The following COL11A1 variants were observed in gnomAD, a reference collection of about 807,000 sequenced individuals.
The protein encoded by COL11A1 is collagen type XI alpha 1 chain.
In COL11A1, 74 loss-of-function variants were observed where a neutral mutation model predicts 265.2. The ratio of observed to expected loss-of-function variants is 0.28; its 90% CI spans 0.23 to 0.34. COL11A1 has a LOEUF of 0.34. Among genes scored for constraint, COL11A1 ranks in the 10% least tolerant of loss-of-function variants. COL11A1 has a pLI of 1.00. For synonymous variants in COL11A1, 816 were observed against 727.6 expected, an observed-to-expected ratio of 1.12 and a Z score of -1.96; for missense variants, 2,165 against 2,263.6, an observed-to-expected ratio of 0.96 and a Z score of 0.88.
At position 102,984,147 on chromosome 1, in the gene COL11A1, T is replaced by A; in HGVS notation, c.2547A>T (p.Gln849His). Residue 849 changes from glutamine to histidine, a missense_variant, in exon 31 of 67, where the codon CAA becomes CAT. Coordinates refer to ENST00000370096, the MANE Select transcript of COL11A1 (RefSeq NM_001854.4). ...TATCAAGCTGTTTTACCTTTGGACC[T>A]TGTCTTCCTGGATATCCTGGTAATC... is the stretch of plus-strand genomic sequence containing the variant. The part of the protein sequence containing the change: ...VPGLPGYPGR[Q>H]GPKGSTGFPG... The A allele has an allele frequency of 2.5e-6, 4 of 1,600,884 alleles. No individual in the cohort carries two copies. The highest frequency in any genetic ancestry group is 3.4e-6 in the Non-Finnish European group (4 of 1,169,670).
intron 26 of COL11A1, among the ~76,000 whole-genome samples, 194 bp from the exon 27 acceptor site, chr1:102,996,236 C>T (rs1458327893): frequency 6.6e-6 from 1 of 152,010 alleles, no homozygotes; most frequent in African/African-American, 2.4e-5. Flanking sequence ...TAGCACTACT[C>T]ACTCCAAATT....
intron 1 of COL11A1, among the ~76,000 whole-genome samples, chr1:103,085,285 G>A (rs1672758652): frequency 6.6e-6 from 1 of 152,140 alleles, no homozygotes; most frequent in Non-Finnish European, 1.5e-5. Context: ...TCCCAGTTCA[G>A]GGCCCCAAAT....
At chr1:102,892,077 C>T (rs987921881) in intron 57 of COL11A1, among the ~76,000 whole-genome samples, 1 of 152,018 alleles carries the variant, frequency 6.6e-6, no homozygotes, top group Non-Finnish European at 1.5e-5. Context: ...AAATTAGGGC[C>T]ACGATAACCT....
intron 26 of COL11A1, 63 bp downstream of exon 26, chr1:102,997,017 A>G: frequency 7.2e-7 from 1 of 1,396,502 alleles, no homozygotes; most frequent in South Asian, 1.2e-5. Context: ...AGATGACCAA[A>G]TTAAGGCATT....
intron 57 of COL11A1, among the ~76,000 whole-genome samples, chr1:102,892,956 A>G (rs181043691): frequency 5.9e-5 from 9 of 152,300 alleles, no homozygotes; most frequent in African/African-American, 1.9e-4. Context: ...TCTCTTTTGT[A>G]TAAGAATAAA....
chr1:103,008,520 T>G lies in COL11A1; in HGVS notation c.1630-4A>C. ...CCCCAGATGAACCAGGCCCCCCCTATAGAGAAAAAGTGAAGATATTTCACT... is the reference window on the plus strand; with the variant it reads ...CCCCAGATGAACCAGGCCCCCCCTAGAGAGAAAAAGTGAAGATATTTCACT... On this transcript the variant is annotated splice_region_variant and splice_polypyrimidine_tract_variant and intron_variant, in intron 14 of 66. Coordinates refer to ENST00000370096, the MANE Select transcript of COL11A1 (RefSeq NM_001854.4). 1 of 1,613,416 alleles carries G rather than the reference T, an allele frequency of 6.2e-7. No individual in the cohort carries two copies. Among genetic ancestry groups the G allele is most frequent in the South Asian group, 1.1e-5 (1 of 91,052 alleles).
Position 103,108,004 on chromosome 1 carries a change from G to T in COL11A1, c.106+69C>A, listed in dbSNP as rs375551522. 6 of 1,073,406 alleles carry T rather than the reference G, an allele frequency of 5.6e-6. No individual in the cohort carries two copies. The Admixed American group carries it at 7.1e-5, about 13-fold the overall frequency. The allele number at this position is 1,073,406 out of a possible 1,614,324, so 66.5% of individuals were successfully genotyped here. A position where few individuals can be genotyped will look rare whatever the true frequency, so the allele number is the denominator to read the frequency against. Reference sequence around the variant, plus strand: ...GAAGAGCGGGGAGGAAGGGTAAAGTGGGGGGAGGGGCGCAGAAGCAGTAGG... The same window carrying T: ...GAAGAGCGGGGAGGAAGGGTAAAGTTGGGGGAGGGGCGCAGAAGCAGTAGG... On this transcript the variant is annotated intron_variant, in intron 1 of 66. Coordinates refer to ENST00000370096, the MANE Select transcript of COL11A1 (RefSeq NM_001854.4).
chr1:102,928,356 T>A (rs1251259370), intron 46 of COL11A1, among the ~76,000 whole-genome samples: 1 of 150,576 alleles, frequency 6.6e-6, no homozygotes, highest in Non-Finnish European at 1.5e-5. Context: ...CGGTGTTTGG[T>A]TTTTTGTTCT....
chr1:103,046,110 T>C (rs1669242110), intron 4 of COL11A1, among the ~76,000 whole-genome samples: 3 of 151,604 alleles, frequency 2.0e-5, no homozygotes, highest in Admixed American at 6.6e-5. Context: ...GCAGCATGAT[T>C]TATAATCCTT....
At chr1:102,904,869 T>TACTGG (rs1368503572) in intron 54 of COL11A1, among the ~76,000 whole-genome samples, 4 of 152,136 alleles carry the variant, frequency 2.6e-5, no homozygotes, top group African/African-American at 9.7e-5. Flanking sequence ...GCCATCCCAT[T>TACTGG]ACTGGGTATA....
intron 4 of COL11A1, among the ~76,000 whole-genome samples, chr1:103,059,335 G>A (rs1393511434): frequency 6.6e-6 from 1 of 152,004 alleles, no homozygotes; most frequent in African/African-American, 2.4e-5. Flanking sequence ...CAGGGCTCAG[G>A]CTCACCAAAA....
intron 47 of COL11A1, among the ~76,000 whole-genome samples, chr1:102,922,781 G>C (rs1656144314): frequency 6.6e-6 from 1 of 152,194 alleles, no homozygotes; most frequent in Admixed American, 6.5e-5. Flanking sequence ...AGATTTGAGT[G>C]TAATTCCTAA....
intron 31 of COL11A1, 111 bp downstream of exon 31, chr1:102,984,026 AT>A: frequency 1.3e-6 from 1 of 785,048 alleles, no homozygotes. Context: ...TTGTGAAATT[AT>A]TTTTAAGTAC....
intron 63 of COL11A1, 45 bp downstream of exon 63, chr1:102,886,762 C>G: frequency 6.2e-7 from 1 of 1,613,198 alleles, no homozygotes; most frequent in Non-Finnish European, 8.5e-7. Context: ...ACCTCAGAAA[C>G]TCAGGGGCTC....
intron 1 of COL11A1, among the ~76,000 whole-genome samples, chr1:103,105,688 A>G (rs997122352): frequency 6.6e-6 from 1 of 152,216 alleles, no homozygotes; most frequent in African/African-American, 2.4e-5. Context: ...AGAAATTGGT[A>G]TAAAATCTTA....
intron 44 of COL11A1, among the ~76,000 whole-genome samples, chr1:102,936,328 G>T (rs760193643): frequency 1.6e-4 from 24 of 151,388 alleles, no homozygotes; most frequent in Admixed American, 9.9e-4. Context: ...TACATGGAAC[G>T]CTATTTTTAC....
chr1:102,974,937 CT>C, intron 35 of COL11A1, 54 bp from the exon 36 acceptor site: 1 of 1,303,930 alleles, frequency 7.7e-7, no homozygotes. Flanking sequence ...GAAGATGCAT[CT>C]TTATACTTTG....
chr1:103,078,583 T>C (rs1672158411), intron 3 of COL11A1, 75 bp downstream of exon 3: 38 of 1,411,408 alleles, frequency 2.7e-5, no homozygotes, highest in Non-Finnish European at 3.6e-5. Context: ...TCACACTTCA[T>C]AAATATTTGT....
chr1:102,931,094 C>T (rs1657374172), intron 46 of COL11A1, among the ~76,000 whole-genome samples: 1 of 140,186 alleles, frequency 7.1e-6, no homozygotes, highest in African/African-American at 2.6e-5. Flanking sequence ...CTATTTCCTT[C>T]AGTTCTGCTC....
Sources: allele counts gnomAD v4.1 joint callset (sites outside exome capture counted in the v4.1 genomes callset), GRCh38; gene constraint gnomAD v4.1.1; transcripts MANE v1.5; gene names NCBI Gene and HGNC (gene_info 2026-07-23, HGNC 2026-07-21).